MAN1A1: variants seen among roughly 807,000 people sequenced by gnomAD.
MAN1A1 encodes mannosyl-oligosaccharide 1,2-alpha-mannosidase IA.
Under a neutral mutation model 70.8 loss-of-function variants are expected in MAN1A1, and 29 were observed. The ratio of observed to expected loss-of-function variants is 0.41; its 90% CI spans 0.31 to 0.56. The LOEUF is 0.56. Among genes scored for constraint, MAN1A1 ranks in the 20% least tolerant of loss-of-function variants. The probability of loss-of-function intolerance (pLI) is 0.29; values close to 1 mark genes in which losing one functional copy is unlikely to be tolerated. For missense variants in MAN1A1, 747 were observed against 841.3 expected (o/e 0.89, Z 1.39); for synonymous variants, 349 against 330.1 (o/e 1.06, Z -0.62).
At chr6:119,232,812 T>C (rs1260468453) in intron 6 of MAN1A1, among the ~76,000 whole-genome samples, 1 of 152,022 alleles carries the variant, frequency 6.6e-6, no homozygotes, top group Non-Finnish European at 1.5e-5. Flanking sequence ...AAATTCATAA[T>C]TTTCCTGACT....
Position 119,349,093 on chromosome 6 carries a change from C to T in MAN1A1, c.-28G>A. The T allele has an allele frequency of 1.6e-6, 2 of 1,270,822 alleles. No homozygotes were observed. Among genetic ancestry groups the T allele is most frequent in the Non-Finnish European group, 2.0e-6 (2 of 1,008,512 alleles). The allele number at this position is 1,270,822 out of a possible 1,614,324, so 78.7% of individuals were successfully genotyped here. On this transcript the variant is annotated 5_prime_UTR_variant, in exon 2 of 13. Coordinates refer to ENST00000368468, the MANE Select transcript of MAN1A1 (RefSeq NM_005907.4). The stretch of plus-strand genomic sequence containing the variant: ...CTCCCGCTGTCCAGTGGTCCGGCGC[C>T]GCGCCGCTCAGCAGCCAAACTTCGC...
At chr6:119,288,647 A>G (rs530234108) in intron 5 of MAN1A1, among the ~76,000 whole-genome samples, 99 of 151,968 alleles carry the variant, frequency 6.5e-4, no homozygotes, top group African/African-American at 2.3e-3. Flanking sequence ...AGTATTAATC[A>G]CTTCTCACTT....
At chr6:119,209,287 C>T (rs550123550) in intron 6 of MAN1A1, among the ~76,000 whole-genome samples, 181 of 152,172 alleles carry the variant, frequency 1.2e-3, no homozygotes, top group Non-Finnish European at 2.3e-3. Flanking sequence ...CTATGACTTT[C>T]GATTTATTCT....
At position 119,252,255 on chromosome 6, in the gene MAN1A1, T is replaced by C. The variant is rs1000399268; in HGVS notation, c.898-3901A>G. Reference sequence around the variant, plus strand: ...GGCCGTTTGATACTGGAATACATTCTTAAATGTGGTTATGTTACATATAAT... The same window carrying C: ...GGCCGTTTGATACTGGAATACATTCCTAAATGTGGTTATGTTACATATAAT... On this transcript the variant is annotated intron_variant, in intron 5 of 12. Transcript: ENST00000368468. Among the ~76,000 whole-genome samples the C allele has an allele frequency of 1.1e-4, 17 of 152,228 alleles. 1 individual carries two copies. The highest frequency in any genetic ancestry group is 1.5e-5 in the Non-Finnish European group (1 of 68,040).
chr6:119,332,554 C>T (rs1739469), intron 2 of MAN1A1, among the ~76,000 whole-genome samples: 1,798 of 152,292 alleles, frequency 0.012, 34 homozygotes, highest in African/African-American at 0.04. Flanking sequence ...CGGTGGCTCA[C>T]GCCTGTAATC....
At chr6:119,236,430 G>A (rs1347316078) in intron 6 of MAN1A1, among the ~76,000 whole-genome samples, 1 of 152,138 alleles carries the variant, frequency 6.6e-6, no homozygotes, top group East Asian at 1.9e-4. Context: ...ATTTTGAGCT[G>A]GGTGTGGTGG....
At chr6:119,218,883 T>TTA (rs1554205299) in intron 6 of MAN1A1, among the ~76,000 whole-genome samples, 2 of 152,148 alleles carry the variant, frequency 1.3e-5, no homozygotes, top group East Asian at 3.8e-4. Context: ...GTTTTTTTTT[T>TTA]AATTAATCTT....
chr6:119,263,580 ATC>A (rs1358840885), intron 5 of MAN1A1, among the ~76,000 whole-genome samples: 1 of 152,148 alleles, frequency 6.6e-6, no homozygotes, highest in Non-Finnish European at 1.5e-5. Flanking sequence ...TGAAAAAATA[ATC>A]TGTTTACCTA....
chr6:119,248,151 T>C, intron 6 of MAN1A1, 109 bp downstream of exon 6: 1 of 703,962 alleles, frequency 1.4e-6, no homozygotes, highest in Non-Finnish European at 2.4e-6. Context: ...CAGTGGAGTC[T>C]GTTAGTCACC....
intron 6 of MAN1A1, among the ~76,000 whole-genome samples, chr6:119,240,523 T>C (rs73517472): frequency 6.6e-6 from 1 of 152,124 alleles, no homozygotes; most frequent in African/African-American, 2.4e-5. Context: ...CAGAGGCAGA[T>C]ATGGTCTGCT....
chr6:119,331,694 T>C (rs1268533631), intron 2 of MAN1A1, among the ~76,000 whole-genome samples: 1 of 151,594 alleles, frequency 6.6e-6, no homozygotes, highest in Non-Finnish European at 1.5e-5. Flanking sequence ...CCAAACAAAC[T>C]GAGCATTGGT....
intron 5 of MAN1A1, among the ~76,000 whole-genome samples, chr6:119,273,666 A>G (rs1405349296): frequency 6.6e-6 from 1 of 152,218 alleles, no homozygotes; most frequent in African/African-American, 2.4e-5. Flanking sequence ...CTACTCATAT[A>G]TACAGCACTT....
At chr6:119,216,329 GT>G (rs1562196197) in intron 6 of MAN1A1, among the ~76,000 whole-genome samples, 1 of 152,180 alleles carries the variant, frequency 6.6e-6, no homozygotes, top group African/African-American at 2.4e-5. Context: ...AAGGCAGATC[GT>G]TGGTGGCCTG....
intron 6 of MAN1A1, among the ~76,000 whole-genome samples, chr6:119,228,557 A>G (rs1260270299): frequency 4.6e-5 from 7 of 152,146 alleles, no homozygotes; most frequent in Non-Finnish European, 4.4e-5. Context: ...ATGACTATAC[A>G]TCCTAAATTT....
rs762552119 is a variant in MAN1A1, at chr6:119,307,000, A to G, written c.604-8T>C. The stretch of plus-strand genomic sequence containing the variant: ...CCAAGCATGTTTCATCATCTGAAAA[A>G]AAAAATAAAAACAGGATTATAATTT... On this transcript the variant is annotated splice_polypyrimidine_tract_variant and splice_region_variant and intron_variant, in intron 2 of 12. Coordinates refer to ENST00000368468, the MANE Select transcript of MAN1A1 (RefSeq NM_005907.4). 1 of 1,529,874 alleles carries G rather than the reference A, an allele frequency of 6.5e-7. No homozygotes were observed. The highest frequency in any genetic ancestry group is 9.0e-7 in the Non-Finnish European group (1 of 1,106,506). 94.8% of individuals were successfully genotyped at this position (1,529,874 alleles called of 1,614,324 possible). A position where few individuals can be genotyped will look rare whatever the true frequency, so the allele number is the denominator to read the frequency against.
chr6:119,280,435 A>G (rs911807366), intron 5 of MAN1A1, among the ~76,000 whole-genome samples: 2 of 152,218 alleles, frequency 1.3e-5, no homozygotes, highest in African/African-American at 2.4e-5. Flanking sequence ...AACATTTGTC[A>G]ATGGGGACTG....
At chr6:119,216,739 A>G (rs2299877) in intron 6 of MAN1A1, among the ~76,000 whole-genome samples, 126,253 of 152,090 alleles carry the variant, frequency 0.83, 52,908 homozygotes, top group Non-Finnish European at 0.9. Context: ...TACATATGGT[A>G]AAAAATTGAA....
chr6:119,218,938 T>C (rs1774281153), intron 6 of MAN1A1, among the ~76,000 whole-genome samples: 1 of 152,170 alleles, frequency 6.6e-6, no homozygotes, highest in Non-Finnish European at 1.5e-5. Flanking sequence ...ATGTTTAATA[T>C]TAGAAATGCT....
At chr6:119,201,170 A>G (rs1269607677) in intron 8 of MAN1A1, 84 bp downstream of exon 8, 5 of 999,014 alleles carry the variant, frequency 5.0e-6, no homozygotes, top group East Asian at 2.4e-5. Flanking sequence ...TTTCTCAACA[A>G]AATCTGTGCT....
Sources: gnomAD v4.1 joint callset for allele counts (sites outside exome capture counted in the v4.1 genomes callset) on GRCh38, gnomAD v4.1.1 for gene constraint, MANE v1.5 for transcripts, NCBI Gene and HGNC (gene_info 2026-07-23, HGNC 2026-07-21) for gene names.